Variants in DNAAF11 observed in about 807,000 individuals in gnomAD.
The protein encoded by DNAAF11 is leucine rich repeat containing 6.
A neutral mutation model predicts 60.8 loss-of-function variants in DNAAF11; 45 were observed. The ratio of observed to expected loss-of-function variants is 0.74; its 90% CI spans 0.58 to 0.95. DNAAF11 has a LOEUF of 0.95. DNAAF11 is among the 40% of genes least tolerant of loss of function. The pLI is 0.00. For missense variants in DNAAF11, 546 were observed against 546.2 expected (o/e 1.00, Z 0.00); for synonymous variants, 191 against 183.5 (o/e 1.04, Z -0.33).
At chr8:132,666,731 T>G (rs111729586) in intron 1 of DNAAF11, among the ~76,000 whole-genome samples, 16 of 152,232 alleles carry the variant, frequency 1.1e-4, no homozygotes, top group African/African-American at 3.9e-4. Flanking sequence ...AGCAACAATA[T>G]AGTAATGATG....
chr8:132,678,610 C>G (rs986690434), upstream of DNAAF11, among the ~76,000 whole-genome samples: 2 of 151,972 alleles, frequency 1.3e-5, no homozygotes, highest in Non-Finnish European at 2.9e-5. Flanking sequence ...GTCTTGAACT[C>G]CTGGCCTCAA....
chr8:132,670,081 C>T (rs1338795587), intron 1 of DNAAF11, among the ~76,000 whole-genome samples: 1 of 151,626 alleles, frequency 6.6e-6, no homozygotes, highest in Non-Finnish European at 1.5e-5. Context: ...CAAATATTGG[C>T]TTCCACTTTA....
intron 10 of DNAAF11, among the ~76,000 whole-genome samples, chr8:132,603,405 C>A (rs1461340407): frequency 6.6e-6 from 1 of 152,118 alleles, no homozygotes; most frequent in Non-Finnish European, 1.5e-5. Flanking sequence ...AGGACTCCAG[C>A]AGACAGAAGT....
chr8:132,689,181 T>C, the DNAAF11 span, among the ~76,000 whole-genome samples: 8 of 152,312 alleles, frequency 5.3e-5, no homozygotes, highest in South Asian at 1.7e-3. Flanking sequence ...AGTCCTTGAG[T>C]AGCCTCTTTT....
chr8:132,675,596 G>C, upstream of DNAAF11: 2 of 1,270,276 alleles, frequency 1.6e-6, no homozygotes, highest in Non-Finnish European at 2.1e-6. Context: ...CGGAATTCAG[G>C]AGCCATGGCA....
At chr8:132,655,534 T>C (rs113787502) in intron 3 of DNAAF11, among the ~76,000 whole-genome samples, 16 of 152,214 alleles carry the variant, frequency 1.1e-4, no homozygotes, top group African/African-American at 3.9e-4. Context: ...AACCCACAAA[T>C]TGGAAGAATA....
the DNAAF11 span, among the ~76,000 whole-genome samples, chr8:132,698,944 A>ATTTTTTGTGTGTGTGTG: frequency 7.0e-6 from 1 of 142,522 alleles, no homozygotes; most frequent in Non-Finnish European, 1.5e-5. Flanking sequence ...ATACATATAT[A>ATTTTTTGTGTGTGTGTG]TATATATATA....
Position 132,617,835 on chromosome 8 carries a change from T to C in DNAAF11, c.915-2738A>G, listed in dbSNP as rs1465188418. Reference sequence around the variant, plus strand: ...TGGAAGAACATTCCATGCTCATGGGTAGGAAGAATCAATATTGTGAAAATG... The same window carrying C: ...TGGAAGAACATTCCATGCTCATGGGCAGGAAGAATCAATATTGTGAAAATG... On this transcript the variant is annotated intron_variant, in intron 7 of 11. Transcript: ENST00000620350. Among the ~76,000 whole-genome samples, 214 of 150,888 alleles carry C rather than the reference T, an allele frequency of 1.4e-3. 2 individuals are homozygous for C. Among genetic ancestry groups the C allele is most frequent in the Non-Finnish European group, 2.5e-3 (168 of 67,742 alleles).
At chr8:132,679,158 C>T (rs969726580), upstream of DNAAF11, among the ~76,000 whole-genome samples, 1 of 152,194 alleles carries the variant, frequency 6.6e-6, no homozygotes, top group Non-Finnish European at 1.5e-5. Flanking sequence ...AATTTTGTGC[C>T]TAAACCTTAA....
intron 4 of DNAAF11, among the ~76,000 whole-genome samples, chr8:132,634,968 T>C (rs1329564033): frequency 6.6e-6 from 1 of 152,110 alleles, no homozygotes; most frequent in Non-Finnish European, 1.5e-5. Context: ...GATTTCTGTC[T>C]TATAAATGAT....
the DNAAF11 span, among the ~76,000 whole-genome samples, chr8:132,683,605 G>A: frequency 2.5e-4 from 38 of 152,350 alleles, no homozygotes; most frequent in African/African-American, 7.5e-4. Context: ...GAAGGCAGCT[G>A]TTGTTTCTGG....
At chr8:132,578,284 T>G (rs952012834) in intron 11 of DNAAF11, 1 of 537,110 alleles carries the variant, frequency 1.9e-6, no homozygotes, top group Non-Finnish European at 3.2e-6. Flanking sequence ...AGGAATGAAC[T>G]AAATCATAAT....
At chr8:132,633,166 GTAATAA>G (rs917975386) in intron 4 of DNAAF11, among the ~76,000 whole-genome samples, 1 of 151,916 alleles carries the variant, frequency 6.6e-6, no homozygotes, top group African/African-American at 2.4e-5. Context: ...ACCTTTACTA[GTAATAA>G]TAATAATTAG....
intron 3 of DNAAF11, among the ~76,000 whole-genome samples, chr8:132,648,644 T>C (rs1476560397): frequency 1.3e-5 from 2 of 152,250 alleles, no homozygotes; most frequent in Non-Finnish European, 2.9e-5. Flanking sequence ...CTTAAGCTGG[T>C]AAGCAACTTC....
intron 11 of DNAAF11, 34 bp downstream of exon 11, chr8:132,583,660 T>C (rs1199692781): frequency 1.3e-6 from 2 of 1,527,156 alleles, no homozygotes; most frequent in Non-Finnish European, 1.8e-6. Context: ...GAGAACAATA[T>C]AATACAGCTA....
chr8:132,680,384 C>CT (rs965554542), upstream of DNAAF11, among the ~76,000 whole-genome samples: 24 of 151,162 alleles, frequency 1.6e-4, no homozygotes, highest in Admixed American at 3.3e-4. Flanking sequence ...AGTGTGTGTG[C>CT]TTTTTTTTTA....
intron 4 of DNAAF11, among the ~76,000 whole-genome samples, chr8:132,633,407 CAGAT>C (rs778307481): frequency 4.6e-5 from 7 of 152,062 alleles, no homozygotes; most frequent in East Asian, 1.9e-4. Context: ...ACAAGACAAA[CAGAT>C]AGGCTATTGT....
chr8:132,679,368 T>G (rs369121770), upstream of DNAAF11, among the ~76,000 whole-genome samples: 22 of 152,356 alleles, frequency 1.4e-4, 1 homozygote, highest in African/African-American at 5.3e-4. Context: ...TGGCTGTCTT[T>G]GGTGTAAGGC....
chr8:132,688,883 C>T, the DNAAF11 span, among the ~76,000 whole-genome samples: 5 of 152,144 alleles, frequency 3.3e-5, no homozygotes, highest in Non-Finnish European at 4.4e-5. Flanking sequence ...GAATCACTTA[C>T]GTTAAAAATA....
Sources: allele counts gnomAD v4.1 joint callset (sites outside exome capture counted in the v4.1 genomes callset), GRCh38; gene constraint gnomAD v4.1.1; transcripts MANE v1.5; gene names NCBI Gene and HGNC (gene_info 2026-07-23, HGNC 2026-07-21).